The following SMOC2 variants were observed in gnomAD, a reference collection of about 807,000 sequenced individuals.
SMOC2 encodes the protein SPARC related modular calcium binding 2, also known as SPARC-related modular calcium-binding protein 2.
SMOC2 carries 39 observed loss-of-function variants against 61.4 expected under a neutral mutation model. The ratio of observed to expected loss-of-function variants is 0.64; its 90% confidence interval spans 0.49 to 0.83. The LOEUF is 0.83. Among genes scored for constraint, SMOC2 ranks in the 40% least tolerant of loss-of-function variants. The probability of loss-of-function intolerance (pLI) is 0.00; values close to 1 mark genes in which losing one functional copy is unlikely to be tolerated. For missense variants in SMOC2, 556 were observed against 592.9 expected (o/e 0.94, Z 0.65); for synonymous variants, 247 against 239.9 (o/e 1.03, Z -0.27).
At chr6:168,666,300 T>C in intron 12 of SMOC2, 121 bp from the exon 13 acceptor site, 1 of 1,062,358 alleles carries the variant, frequency 9.4e-7, no homozygotes, top group Middle Eastern at 2.1e-4. Context: ...TACTTACACC[T>C]CACATGACCT....
Position 168,600,414 on chromosome 6 carries a change from A to AC in SMOC2, c.824+1410_824+1411insC, listed in dbSNP as rs1429882611. Among the ~76,000 whole-genome samples the AC allele has an allele frequency of 5.2e-3, 128 of 24,524 alleles. 9 individuals carry two copies. Among genetic ancestry groups the AC allele is most frequent in the African/African-American group, 0.016 (121 of 7,388 alleles). 16.1% of individuals were successfully genotyped at this position (24,524 alleles called of 152,430 possible). ...AAGAGCGAAACTCTGCCTCAAAAAA[A>AC]AAAAAAACAAAAAAAAAAACAAAAA... On this transcript the variant is annotated intron_variant, in intron 8 of 12. Transcript: ENST00000356284.
Position 168,553,885 on chromosome 6 carries a change from C to T in SMOC2, c.637+4682C>T, listed in dbSNP as rs1784184243. Among the ~76,000 whole-genome samples the T allele has an allele frequency of 6.6e-6, 1 of 151,760 alleles. No individual in the cohort carries two copies. Among genetic ancestry groups the T allele is most frequent in the African/African-American group, 2.4e-5 (1 of 41,012 alleles). On this transcript the variant is annotated intron_variant, in intron 7 of 12. Transcript: ENST00000356284. The surrounding 1 kb of genome is among the most constrained non-coding windows in gnomAD (Gnocchi z 4.2). ...CTCACATTTTGGTAGGAGGATTATT[C>T]CATGGGACGAGTCGATTAAAACTTG...
At chr6:168,595,703 C>G (rs1046274764) in intron 7 of SMOC2, among the ~76,000 whole-genome samples, 6 of 152,226 alleles carry the variant, frequency 3.9e-5, no homozygotes, top group African/African-American at 1.2e-4. Context: ...CCCTCATCAA[C>G]CACGATGTTT....
chr6:168,618,606 G>T (rs547087744), intron 9 of SMOC2, among the ~76,000 whole-genome samples: 45 of 151,234 alleles, frequency 3.0e-4, no homozygotes, highest in Non-Finnish European at 5.2e-4. Context: ...TTGAGGAGAG[G>T]CAGGTAGTGG....
intron 1 of SMOC2, among the ~76,000 whole-genome samples, chr6:168,443,971 A>G (rs1322042862): frequency 6.6e-6 from 1 of 152,218 alleles, no homozygotes; most frequent in Non-Finnish European, 1.5e-5. Flanking sequence ...TAATGCGCCT[A>G]CTATATGTGA....
At chr6:168,520,616 A>G (rs1783307550) in intron 2 of SMOC2, among the ~76,000 whole-genome samples, 1 of 152,212 alleles carries the variant, frequency 6.6e-6, no homozygotes, top group African/African-American at 2.4e-5. Context: ...TGCTCCTTCC[A>G]TATCGATAAA....
Position 168,549,230 on chromosome 6 carries a change from T to C in SMOC2, c.637+27T>C, listed in dbSNP as rs770847834. 15 of 1,601,992 alleles carry C rather than the reference T, an allele frequency of 9.4e-6. No homozygotes were observed. In the Middle Eastern group the frequency reaches 5.0e-4, roughly 53 times the overall value. ...TAAGATGCTGCCTGATGTCACTTTG[T>C]AAGGAGTGATTTAATAGATCTAGAA... On this transcript the variant is annotated intron_variant, in intron 7 of 12. Coordinates refer to ENST00000356284, the MANE Select transcript of SMOC2 (RefSeq NM_001166412.2).
intron 1 of SMOC2, among the ~76,000 whole-genome samples, chr6:168,464,202 AGAGGAAGGAAG>A (rs1562541609): frequency 2.7e-5 from 4 of 149,348 alleles, no homozygotes; most frequent in African/African-American, 9.9e-5. Context: ...AAAAAAAAAA[AGAGGAAGGAAG>A]AAAGGAAGGA....
chr6:168,490,362 T>C (rs947056371), intron 1 of SMOC2, among the ~76,000 whole-genome samples: 2 of 152,180 alleles, frequency 1.3e-5, no homozygotes, highest in Non-Finnish European at 2.9e-5. Flanking sequence ...CATCATTCTT[T>C]CTTTGAAGGT....
Position 168,502,234 on chromosome 6 carries a change from C to T in SMOC2, c.85-7681C>T, listed in dbSNP as rs73254711. On this transcript the variant is annotated intron_variant, in intron 1 of 12. Transcript: ENST00000356284. Reference sequence around the variant, plus strand: ...TTCATATCTTTTCCAAACACTTTCTCGTGCACTATCACATTTTGTTTTCAC... The same window carrying T: ...TTCATATCTTTTCCAAACACTTTCTTGTGCACTATCACATTTTGTTTTCAC... 2.1e-3 allele frequency among the ~76,000 whole-genome samples: 319 copies of T among 152,346 alleles called. 1 individual carries two copies. The highest frequency in any genetic ancestry group is 7.1e-3 in the African/African-American group (297 of 41,576).
At chr6:168,517,501 C>T (rs1029212111) in intron 2 of SMOC2, among the ~76,000 whole-genome samples, 15 of 152,304 alleles carry the variant, frequency 9.8e-5, no homozygotes, top group African/African-American at 1.7e-4. Context: ...GCTGCCCTGC[C>T]GGGGGAGCAG....
chr6:168,655,463 TCTGACTTTTCAG>T, intron 11 of SMOC2: 1 of 455,222 alleles, frequency 2.2e-6, no homozygotes, highest in Non-Finnish European at 4.4e-6. Context: ...AGAAGCCGGG[TCTGACTTTTCAG>T]CTCAGAGACA....
chr6:168,643,108 G>A (rs545923291), intron 9 of SMOC2, among the ~76,000 whole-genome samples: 1 of 152,088 alleles, frequency 6.6e-6, no homozygotes, highest in African/African-American at 2.4e-5. Flanking sequence ...TCTTCTGAAC[G>A]TATTTCACAG....
At chr6:168,635,483 T>C (rs1786691631) in intron 9 of SMOC2, among the ~76,000 whole-genome samples, 1 of 152,226 alleles carries the variant, frequency 6.6e-6, no homozygotes, top group Non-Finnish European at 1.5e-5. Context: ...TTAATTAGCT[T>C]TTATGTTTAA....
intron 1 of SMOC2, among the ~76,000 whole-genome samples, chr6:168,496,983 CG>C (rs529735065): frequency 2.0e-5 from 3 of 152,246 alleles, no homozygotes; most frequent in African/African-American, 4.8e-5. Flanking sequence ...GGGGAAGATG[CG>C]GCCCCCGGCA....
At chr6:168,547,522 T>C (rs1234227069) in intron 6 of SMOC2, among the ~76,000 whole-genome samples, 1 of 151,768 alleles carries the variant, frequency 6.6e-6, no homozygotes, top group Non-Finnish European at 1.5e-5. Context: ...ATCTAGTTAG[T>C]GATGAAATGA....
intron 9 of SMOC2, among the ~76,000 whole-genome samples, chr6:168,641,727 G>A (rs986916374): frequency 1.3e-5 from 2 of 152,188 alleles, no homozygotes; most frequent in East Asian, 1.9e-4. Flanking sequence ...CCAAGAGCAG[G>A]CACCTTCACC....
chr6:168,537,650 G>A (rs1783764040), intron 4 of SMOC2, among the ~76,000 whole-genome samples: 1 of 152,222 alleles, frequency 6.6e-6, no homozygotes, highest in African/African-American at 2.4e-5. Flanking sequence ...CTTCTCACAG[G>A]CCTGGAGCCC....
intron 7 of SMOC2, among the ~76,000 whole-genome samples, chr6:168,591,905 T>A (rs1785190106): frequency 1.3e-5 from 2 of 152,226 alleles, no homozygotes; most frequent in Admixed American, 1.3e-4. Context: ...TATTACTTTT[T>A]TTCTGAATTA....
Sources: gnomAD v4.1 joint callset for allele counts (sites outside exome capture counted in the v4.1 genomes callset) on GRCh38, gnomAD v4.1.1 for gene constraint, Gnocchi (gnomAD v3.1) non-coding constraint, MANE v1.5 for transcripts, NCBI Gene and HGNC (gene_info 2026-07-23, HGNC 2026-07-21) for gene names.